The following PELI2 variants were observed in gnomAD, a reference collection of about 807,000 sequenced individuals.
The protein encoded by PELI2 is pellino E3 ubiquitin protein ligase family member 2.
PELI2 carries 23 observed loss-of-function variants against 42.3 expected under a neutral mutation model. The ratio of observed to expected loss-of-function variants is 0.54; its 90% CI spans 0.39 to 0.77. The LOEUF (loss-of-function observed/expected upper bound fraction) is 0.77. PELI2 is among the 30% of genes least tolerant of loss of function. The pLI is 0.00. For missense variants in PELI2, 463 were observed against 553.2 expected, an observed-to-expected ratio of 0.84 and a Z score of 1.64; for synonymous variants, 245 against 212.2, an observed-to-expected ratio of 1.15 and a Z score of -1.34.
rs1473733942 is a variant in PELI2, at chr14:56,178,340, A to G, written c.83A>G (p.Asn28Ser). Residue 28 changes from asparagine to serine, a missense_variant, in exon 2 of 6, where the codon AAT becomes AGT. Asn to Ser is a conservative substitution (Grantham distance 46). Coordinates refer to ENST00000267460, the MANE Select transcript of PELI2 (RefSeq NM_021255.3). Reference protein sequence around the residue: ...KYGELVVLGYNGALPNGDRGR... With the variant: ...KYGELVVLGYSGALPNGDRGR... ...TCTTTCCTCTCTGTTTCTAGGTACA[A>G]TGGTGCTTTACCCAATGGAGATAGA... 1 of 1,614,002 alleles carries G rather than the reference A, an allele frequency of 6.2e-7. No individual in the cohort carries two copies. The highest frequency in any genetic ancestry group is 8.5e-7 in the Non-Finnish European group (1 of 1,179,908).
At chr14:56,278,556 A>G (rs57090012) in intron 2 of PELI2, among the ~76,000 whole-genome samples, 1 of 152,218 alleles carries the variant, frequency 6.6e-6, no homozygotes, top group Non-Finnish European at 1.5e-5. Flanking sequence ...AAGGAAGCAC[A>G]TAAAATAAAA....
intron 4 of PELI2, among the ~76,000 whole-genome samples, chr14:56,289,848 C>G (rs1459043180): frequency 6.6e-6 from 1 of 152,224 alleles, no homozygotes; most frequent in East Asian, 1.9e-4. Flanking sequence ...TTCTTTATGA[C>G]TGTCCTTTCT....
At chr14:56,135,215 G>A (rs1883642893) in intron 1 of PELI2, among the ~76,000 whole-genome samples, 1 of 152,144 alleles carries the variant, frequency 6.6e-6, no homozygotes, top group Non-Finnish European at 1.5e-5. Flanking sequence ...TGAGTAGAAG[G>A]GTGAGGTCTG....
intron 1 of PELI2, among the ~76,000 whole-genome samples, chr14:56,177,938 A>T (rs905755922): frequency 3.3e-5 from 5 of 152,194 alleles, no homozygotes; most frequent in South Asian, 2.1e-4. Context: ...TTAGTATGCT[A>T]TTTTCTAACT....
intron 2 of PELI2, among the ~76,000 whole-genome samples, chr14:56,279,223 A>G (rs1889396168): frequency 6.6e-6 from 1 of 152,180 alleles, no homozygotes; most frequent in African/African-American, 2.4e-5. Flanking sequence ...TAGAACATTG[A>G]CAGATTTTCC....
intron 2 of PELI2, among the ~76,000 whole-genome samples, chr14:56,275,062 ATTCG>A (rs1458805824): frequency 9.3e-5 from 5 of 53,796 alleles, no homozygotes; most frequent in African/African-American, 4.8e-4. Context: ...GTAGCAGTTC[ATTCG>A]TTCATTCATT....
chr14:56,236,546 ACT>A (rs1287477867), intron 2 of PELI2, among the ~76,000 whole-genome samples: 1 of 151,132 alleles, frequency 6.6e-6, no homozygotes, highest in Non-Finnish European at 1.5e-5. Context: ...TTCTGATTCT[ACT>A]CTCTCTTGTT....
At chr14:56,192,309 G>A (rs1234553247) in intron 2 of PELI2, among the ~76,000 whole-genome samples, 2 of 152,176 alleles carry the variant, frequency 1.3e-5, no homozygotes, top group African/African-American at 4.8e-5. Flanking sequence ...TTCTAAAGTC[G>A]AGTCGTGTTA....
At chr14:56,163,142 A>G (rs1259666403) in intron 1 of PELI2, among the ~76,000 whole-genome samples, 2 of 152,154 alleles carry the variant, frequency 1.3e-5, no homozygotes, top group African/African-American at 4.8e-5. Flanking sequence ...TATTCAGGAA[A>G]TTTTTGACTA....
chr14:56,163,937 G>A (rs242416), intron 1 of PELI2, among the ~76,000 whole-genome samples: 1 of 152,066 alleles, frequency 6.6e-6, no homozygotes, highest in African/African-American at 2.4e-5. Flanking sequence ...ATTTGTTGAT[G>A]AATTCTAATA....
At chr14:56,151,306 T>C (rs1884343028) in intron 1 of PELI2, among the ~76,000 whole-genome samples, 1 of 152,242 alleles carries the variant, frequency 6.6e-6, no homozygotes, top group Non-Finnish European at 1.5e-5. Flanking sequence ...TGTGCAGTTA[T>C]CACCTCTGTG....
rs1053592072 is a variant in PELI2 at position 56,299,952 on chromosome 14, T to C, written c.*2786T>C. On this transcript the variant is annotated 3_prime_UTR_variant, in exon 6 of 6. Coordinates refer to ENST00000267460, the MANE Select transcript of PELI2 (RefSeq NM_021255.3). ...AGTACAACTCTGAGTATTTTTCTAG[T>C]CCGGAATTTTTTATTAATAATCGGT... The C allele has an allele frequency of 6.5e-6, 1 of 152,700 alleles. No homozygotes were observed. Among genetic ancestry groups the C allele is most frequent in the South Asian group, 2.1e-4 (1 of 4,822 alleles). 9.5% of individuals were successfully genotyped at this position (152,700 alleles called of 1,614,324 possible).
In PELI2 at chr14:56,297,181, A is replaced by G. The variant is rs144039215; in HGVS notation, c.*15A>G. 744 of 1,563,132 alleles carry G rather than the reference A, an allele frequency of 4.8e-4. 5 individuals carry two copies. The East Asian group carries it at 0.015, about 31-fold the overall frequency. On this transcript the variant is annotated 3_prime_UTR_variant, in exon 6 of 6. Coordinates refer to ENST00000267460, the MANE Select transcript of PELI2 (RefSeq NM_021255.3). ...CAATTGACTGACGCCCTTGACAGCC[A>G]TCTACGACTTTATTAACAGGTTACT...
chr14:56,284,900 C>T (rs543861166), intron 3 of PELI2, among the ~76,000 whole-genome samples: 7 of 152,110 alleles, frequency 4.6e-5, no homozygotes, highest in African/African-American at 7.2e-5. Flanking sequence ...AAACAGTGAG[C>T]GCAAAGGCTC....
At position 56,300,986 on chromosome 14, in the gene PELI2, A is replaced by C. The variant is rs1391273699; in HGVS notation, c.*3820A>C. On this transcript the variant is annotated 3_prime_UTR_variant, in exon 6 of 6. Coordinates refer to ENST00000267460, the MANE Select transcript of PELI2 (RefSeq NM_021255.3). ...CATGAAGAATCCCTAGAGGAAGATA[A>C]GGAAAATAAGTATTTTCCAGTTTTG... The C allele has an allele frequency of 1.3e-5, 2 of 152,262 alleles. No homozygotes were observed. The highest frequency in any genetic ancestry group is 3.8e-4 in the East Asian group (2 of 5,204). The allele number at this position is 152,262 out of a possible 1,614,324, so 9.4% of individuals were successfully genotyped here.
intron 1 of PELI2, among the ~76,000 whole-genome samples, chr14:56,124,963 TTACCC>T (rs1200904285): frequency 6.6e-6 from 1 of 152,280 alleles, no homozygotes; most frequent in Non-Finnish European, 1.5e-5. Context: ...GGTTTGGACT[TTACCC>T]TAAGAGCACA....
intron 2 of PELI2, among the ~76,000 whole-genome samples, chr14:56,205,837 G>A (rs1437822886): frequency 6.6e-6 from 1 of 152,138 alleles, no homozygotes; most frequent in African/African-American, 2.4e-5. Context: ...TTGGAGATAG[G>A]AAGTAATTGG....
intron 1 of PELI2, among the ~76,000 whole-genome samples, chr14:56,163,373 A>T (rs1035795856): frequency 6.6e-6 from 1 of 152,174 alleles, no homozygotes; most frequent in Non-Finnish European, 1.5e-5. Context: ...GTCAAAAATG[A>T]GTTCACTGTG....
chr14:56,178,250 T>C, intron 1 of PELI2, 85 bp from the exon 2 acceptor site: 2 of 1,425,600 alleles, frequency 1.4e-6, no homozygotes, highest in Non-Finnish European at 1.9e-6. Flanking sequence ...CATTCCTGTC[T>C]TTTCCCTTAT....
Sources: gnomAD v4.1 joint callset for allele counts (sites outside exome capture counted in the v4.1 genomes callset) on GRCh38, gnomAD v4.1.1 for gene constraint, MANE v1.5 for transcripts, NCBI Gene and HGNC (gene_info 2026-07-23, HGNC 2026-07-21) for gene names.